Variants in TOX3 observed in about 807,000 individuals in gnomAD.
TOX3 encodes the protein CAG trinucleotide repeat-containing gene F9 protein.
TOX3 carries 22 observed loss-of-function variants against 64.3 expected under a neutral mutation model. The observed-to-expected ratio is 0.34, with a 90% CI of 0.24 to 0.49. The LOEUF (loss-of-function observed/expected upper bound fraction) is 0.49, where lower values mean the gene tolerates loss of function less well. Among genes scored for constraint, TOX3 ranks in the 20% least tolerant of loss-of-function variants. The pLI, the probability that TOX3 is intolerant of heterozygous loss-of-function variation, is 0.99. For missense variants in TOX3, 661 were observed against 714.4 expected (o/e 0.93, Z 0.85); for synonymous variants, 291 against 273.6 (o/e 1.06, Z -0.63).
chr16:52,438,608 T>G lies in TOX3; in HGVS notation c.*617A>C, dbSNP rs1362373426. On this transcript the variant is annotated 3_prime_UTR_variant, in exon 7 of 7. Transcript: ENST00000219746. Reference sequence around the variant, plus strand: ...ATTTGGAGAAGTCATGGATAAAAAGTGGAAATTAGTCAATAATTGAATTTA... The same window carrying G: ...ATTTGGAGAAGTCATGGATAAAAAGGGGAAATTAGTCAATAATTGAATTTA... 5.3e-6 allele frequency: 1 copy of G among 187,282 alleles called. No individual in the cohort carries two copies. The allele number at this position is 187,282 out of a possible 1,614,324, so 11.6% of individuals were successfully genotyped here.
chr16:52,457,815 A>G (rs1960565393), intron 3 of TOX3, among the ~76,000 whole-genome samples: 1 of 152,108 alleles, frequency 6.6e-6, no homozygotes, highest in Non-Finnish European at 1.5e-5. Context: ...CCACCTTTAT[A>G]CTCATCAAAA....
chr16:52,470,419 C>T (rs1389129996), intron 1 of TOX3, among the ~76,000 whole-genome samples: 1 of 152,156 alleles, frequency 6.6e-6, no homozygotes, highest in Non-Finnish European at 1.5e-5. Flanking sequence ...TTAAAGCAAA[C>T]AGCTCATTAT....
intron 1 of TOX3, among the ~76,000 whole-genome samples, chr16:52,522,975 C>T (rs767257197): frequency 1.3e-5 from 2 of 152,150 alleles, no homozygotes; most frequent in Admixed American, 6.5e-5. Flanking sequence ...ACAAAAGAGA[C>T]AGAAATCTCT....
At chr16:52,448,871 C>A (rs1960248196) in intron 4 of TOX3, among the ~76,000 whole-genome samples, 1 of 152,192 alleles carries the variant, frequency 6.6e-6, no homozygotes, top group Non-Finnish European at 1.5e-5. Context: ...TCAAATTCAA[C>A]TCTAACATCC....
intron 1 of TOX3, among the ~76,000 whole-genome samples, chr16:52,490,036 G>A (rs542203216): frequency 4.6e-5 from 7 of 152,318 alleles, no homozygotes; most frequent in African/African-American, 9.6e-5. Flanking sequence ...CAAATCTCAC[G>A]TTGAATTGAT....
At chr16:52,538,132 A>C (rs1962997750) in intron 1 of TOX3, among the ~76,000 whole-genome samples, 1 of 152,156 alleles carries the variant, frequency 6.6e-6, no homozygotes, top group South Asian at 2.1e-4. Context: ...AAATAAGTCA[A>C]ATAATAAGGG....
At chr16:52,489,228 C>T (rs2151455826) in intron 1 of TOX3, among the ~76,000 whole-genome samples, 1 of 152,220 alleles carries the variant, frequency 6.6e-6, no homozygotes, top group Middle Eastern at 3.4e-3. Flanking sequence ...TGTTCCAGTC[C>T]CATTCACCCT....
At chr16:52,518,031 C>T (rs1250315951) in intron 1 of TOX3, among the ~76,000 whole-genome samples, 2 of 151,996 alleles carry the variant, frequency 1.3e-5, no homozygotes, top group Non-Finnish European at 1.5e-5. Context: ...GTTGAACCAC[C>T]CCCTCCCCTT....
At chr16:52,545,291 C>T (rs1963150684) in intron 1 of TOX3, among the ~76,000 whole-genome samples, 1 of 152,302 alleles carries the variant, frequency 6.6e-6, no homozygotes, top group Admixed American at 6.5e-5. Flanking sequence ...GGAATAAAGT[C>T]CCCTCGATCT....
At chr16:52,541,351 T>C (rs934079174) in intron 1 of TOX3, among the ~76,000 whole-genome samples, 3 of 152,188 alleles carry the variant, frequency 2.0e-5, no homozygotes, top group African/African-American at 7.2e-5. Flanking sequence ...TCTTCTCCTC[T>C]TAATCAAAAT....
intron 1 of TOX3, among the ~76,000 whole-genome samples, chr16:52,534,351 AG>A (rs2151486591): frequency 6.6e-6 from 1 of 152,254 alleles, no homozygotes; most frequent in South Asian, 2.1e-4. Flanking sequence ...ACAAAGTCAA[AG>A]GTTGGCTAGG....
chr16:52,463,878 T>A, intron 3 of TOX3, 56 bp downstream of exon 3: 1 of 1,471,414 alleles, frequency 6.8e-7, no homozygotes, highest in Non-Finnish European at 9.0e-7. Context: ...CTCAGATCTT[T>A]ACTATGATTT....
intron 5 of TOX3, 105 bp from the exon 6 acceptor site, chr16:52,444,461 T>C (rs572686746): frequency 6.7e-6 from 6 of 900,442 alleles, no homozygotes; most frequent in South Asian, 2.0e-5. Flanking sequence ...CATAAAAAGG[T>C]TGGTCTCCTT....
At chr16:52,460,497 T>C (rs1158905285) in intron 3 of TOX3, among the ~76,000 whole-genome samples, 1 of 152,174 alleles carries the variant, frequency 6.6e-6, no homozygotes, top group Non-Finnish European at 1.5e-5. Context: ...TCAGCACTAC[T>C]GCTCTCTGAA....
chr16:52,516,918 G>A (rs369548183), intron 1 of TOX3, among the ~76,000 whole-genome samples: 5 of 151,868 alleles, frequency 3.3e-5, no homozygotes, highest in East Asian at 3.9e-4. Context: ...CTGACTCCCC[G>A]ACCAAAAAAA....
intron 1 of TOX3, among the ~76,000 whole-genome samples, chr16:52,490,844 G>C (rs1200802233): frequency 1.3e-5 from 2 of 151,776 alleles, no homozygotes; most frequent in Non-Finnish European, 2.9e-5. Context: ...GCCCAGGCTG[G>C]TCTCAAACTT....
At chr16:52,468,358 C>G in intron 2 of TOX3, 151 bp downstream of exon 2, 1 of 570,310 alleles carries the variant, frequency 1.8e-6, no homozygotes, top group Non-Finnish European at 3.0e-6. Context: ...GTTTTCTTTT[C>G]CAATAAGCTT....
chr16:52,538,373 T>A (rs1278063209), intron 1 of TOX3, among the ~76,000 whole-genome samples: 1 of 152,192 alleles, frequency 6.6e-6, no homozygotes, highest in Non-Finnish European at 1.5e-5. Flanking sequence ...ATTTTTATTA[T>A]TCTACAGTAA....
chr16:52,467,452 C>T (rs1960901079), intron 2 of TOX3, among the ~76,000 whole-genome samples: 1 of 152,168 alleles, frequency 6.6e-6, no homozygotes, highest in African/African-American at 2.4e-5. Flanking sequence ...CCCGTTTATT[C>T]TAATAATTTC....
Sources: allele counts gnomAD v4.1 joint callset (sites outside exome capture counted in the v4.1 genomes callset), GRCh38; gene constraint gnomAD v4.1.1; transcripts MANE v1.5; gene names NCBI Gene and HGNC (gene_info 2026-07-23, HGNC 2026-07-21).